Variants in SELP observed in about 807,000 individuals in gnomAD.
SELP encodes the protein P-selectin.
Under a neutral mutation model 104.1 loss-of-function variants are expected in SELP, and 92 were observed. The observed-to-expected ratio is 0.88, with a 90% CI of 0.75 to 1.05. SELP has a LOEUF of 1.05. SELP is among the 50% of genes least tolerant of loss of function. The pLI, the probability that SELP is intolerant of heterozygous loss-of-function variation, is 0.00. For missense variants in SELP, 1,022 were observed against 1,017.3 expected (o/e 1.00, Z -0.06); for synonymous variants, 397 against 364.5 (o/e 1.09, Z -1.01).
At position 169,593,611 on chromosome 1, in the gene SELP, GTCTGAAACGCTT is replaced by G; in HGVS notation, c.2389_2400del (p.Lys797_Arg800del). On this transcript the variant is annotated inframe_deletion, in exon 14 of 17. Coordinates refer to ENST00000263686, the MANE Select transcript of SELP (RefSeq NM_003005.4). ...AAGACTCTTTCCTATTTACCTTTTTGTCTGAAACGCTTTCTTAGCAAAGCCAGGAGCGTCCCA... is the reference window on the plus strand; with the variant it reads ...AAGACTCTTTCCTATTTACCTTTTTGTCTTAGCAAAGCCAGGAGCGTCCCA... The G allele has an allele frequency of 6.2e-7, 1 of 1,611,504 alleles. No individual in the cohort carries two copies. Among genetic ancestry groups the G allele is most frequent in the South Asian group, 1.1e-5 (1 of 90,892 alleles).
intron 3 of SELP, among the ~76,000 whole-genome samples, chr1:169,616,081 G>C (rs959893544): frequency 1.3e-5 from 2 of 152,138 alleles, no homozygotes; most frequent in African/African-American, 4.8e-5. Context: ...CTCGTGACTA[G>C]AGGAAGACCA....
chr1:169,629,382 G>A (rs141195642), intron 1 of SELP, among the ~76,000 whole-genome samples: 115 of 152,318 alleles, frequency 7.5e-4, no homozygotes, highest in African/African-American at 2.4e-3. Context: ...CACTTACTAT[G>A]TGTCAGGCTC....
intron 2 of SELP, 127 bp downstream of exon 2, chr1:169,619,002 C>G (rs1181062558): frequency 4.5e-6 from 3 of 664,940 alleles, no homozygotes. Context: ...TGTCTTCCAG[C>G]AATCTGGACT....
chr1:169,599,609 G>C (rs189704199), intron 10 of SELP, among the ~76,000 whole-genome samples: 239 of 152,208 alleles, frequency 1.6e-3, no homozygotes, highest in African/African-American at 5.6e-3. Context: ...CATTTTACTT[G>C]AGTTTGATAG....
At chr1:169,593,417 C>G (rs1322685803) in intron 14 of SELP, among the ~76,000 whole-genome samples, 188 bp downstream of exon 14, 1 of 152,028 alleles carries the variant, frequency 6.6e-6, no homozygotes, top group Non-Finnish European at 1.5e-5. Context: ...TAGGAAGTTC[C>G]CTAGGTGATT....
chr1:169,598,963 A>C (rs543682726), intron 10 of SELP, among the ~76,000 whole-genome samples: 1 of 152,218 alleles, frequency 6.6e-6, no homozygotes, highest in African/African-American at 2.4e-5. Flanking sequence ...TACAGCATTA[A>C]ATTCATTTGG....
At chr1:169,599,719 G>A (rs1287635857) in intron 10 of SELP, among the ~76,000 whole-genome samples, 1 of 152,146 alleles carries the variant, frequency 6.6e-6, no homozygotes, top group Admixed American at 6.5e-5. Context: ...AAACTAGGAA[G>A]CCCCACAGAT....
rs1661993327 is a variant in SELP, at chr1:169,603,116, T to C, written c.1615A>G (p.Ile539Val). The C allele has an allele frequency of 6.2e-7, 1 of 1,614,048 alleles. No homozygotes were observed. The highest frequency in any genetic ancestry group is 1.3e-5 in the African/African-American group (1 of 75,022). Residue 539 changes from isoleucine to valine, a missense_variant, in exon 10 of 17, where the codon ATC (isoleucine) becomes GTC (valine). Coordinates refer to ENST00000263686, the MANE Select transcript of SELP (RefSeq NM_003005.4). The stretch of plus-strand genomic sequence containing the variant: ...GACAAAGAATATCCCTCGTCACAGA[T>C]GAATTGACATGTGGATTTATAACTG... ...SSSYKSTCQF[I>V]CDEGYSLSGP...
chr1:169,593,169 T>C (rs912522385), intron 14 of SELP, among the ~76,000 whole-genome samples: 1 of 152,114 alleles, frequency 6.6e-6, no homozygotes, highest in African/African-American at 2.4e-5. Flanking sequence ...AAACCATCAT[T>C]ATGAGTCTCA....
At chr1:169,595,775 C>T (rs1661573555) in intron 12 of SELP, 150 bp downstream of exon 12, 2 of 708,874 alleles carry the variant, frequency 2.8e-6, no homozygotes, top group African/African-American at 3.5e-5. Flanking sequence ...TGACACATTA[C>T]TTCTAATGGG....
At chr1:169,623,684 C>T (rs1663243840) in intron 1 of SELP, among the ~76,000 whole-genome samples, 1 of 152,228 alleles carries the variant, frequency 6.6e-6, no homozygotes, top group African/African-American at 2.4e-5. Flanking sequence ...ACATACTTTT[C>T]TGTTTCTATG....
intron 7 of SELP, 27 bp from the exon 8 acceptor site, chr1:169,609,716 C>G (rs771186184): frequency 6.3e-7 from 1 of 1,584,696 alleles, no homozygotes; most frequent in East Asian, 2.2e-5. Flanking sequence ...TCTTCTAAAG[C>G]CAGGTAATGG....
At chr1:169,593,566 T>C (rs756868433) in intron 14 of SELP, 39 bp downstream of exon 14, 1 of 1,593,190 alleles carries the variant, frequency 6.3e-7, no homozygotes, top group Non-Finnish European at 8.6e-7. Context: ...TTTTGATTTA[T>C]GTAACCAAGA....
At chr1:169,600,024 G>A (rs1423983238) in intron 10 of SELP, among the ~76,000 whole-genome samples, 1 of 152,184 alleles carries the variant, frequency 6.6e-6, no homozygotes, top group East Asian at 1.9e-4. Context: ...GGACAGGAGG[G>A]ATACGGAAAC....
chr1:169,627,487 T>C (rs1663428163), intron 1 of SELP, among the ~76,000 whole-genome samples: 1 of 152,130 alleles, frequency 6.6e-6, no homozygotes, highest in Non-Finnish European at 1.5e-5. Flanking sequence ...CAGAGATGAG[T>C]TATATCTCTA....
chr1:169,606,626 C>T (rs868692167), intron 9 of SELP, among the ~76,000 whole-genome samples: 20 of 151,862 alleles, frequency 1.3e-4, no homozygotes, highest in African/African-American at 4.9e-4. Flanking sequence ...TTTCCAGATG[C>T]CATGTTTGGC....
At position 169,617,557 on chromosome 1, in the gene SELP, G is replaced by A. The variant is rs866291722; in HGVS notation, c.95-143C>T. 7.2e-6 allele frequency: 6 copies of A among 828,948 alleles called. No individual in the cohort carries two copies. In the Middle Eastern group the frequency reaches 9.7e-4, roughly 135 times the overall value. 51.3% of individuals were successfully genotyped at this position (828,948 alleles called of 1,614,324 possible). On this transcript the variant is annotated intron_variant, in intron 2 of 16. Coordinates refer to ENST00000263686, the MANE Select transcript of SELP (RefSeq NM_003005.4). ...CAACGACTAGTTTATGTCTAATGTA[G>A]TTGTTTGAAGGAAAAAGAGTGGTTT...
intron 1 of SELP, among the ~76,000 whole-genome samples, chr1:169,623,773 C>G (rs1006032980): frequency 6.6e-6 from 1 of 152,188 alleles, no homozygotes; most frequent in Non-Finnish European, 1.5e-5. Flanking sequence ...TCCAAGCCAA[C>G]TTAGCATTTA....
At chr1:169,591,793 G>C (rs1661366563) in intron 14 of SELP, among the ~76,000 whole-genome samples, 1 of 152,114 alleles carries the variant, frequency 6.6e-6, no homozygotes, top group Non-Finnish European at 1.5e-5. Flanking sequence ...CAAACCAACA[G>C]AACAGTGGAT....
Sources: gnomAD v4.1 joint callset for allele counts (sites outside exome capture counted in the v4.1 genomes callset) on GRCh38, gnomAD v4.1.1 for gene constraint, MANE v1.5 for transcripts, NCBI Gene and HGNC (gene_info 2026-07-23, HGNC 2026-07-21) for gene names.